Variants in NRXN1 observed in about 807,000 individuals in gnomAD.
The protein encoded by NRXN1 is neurexin-1.
In NRXN1, 39 loss-of-function variants were observed where a neutral mutation model predicts 150.9. The ratio of observed to expected loss-of-function variants is 0.26; its 90% CI spans 0.20 to 0.34. The LOEUF (loss-of-function observed/expected upper bound fraction) is 0.34, where lower values mean the gene tolerates loss of function less well. Ranked by LOEUF, NRXN1 falls within the 10% of genes least tolerant of loss-of-function variation. NRXN1 has a pLI of 1.00. For synonymous variants in NRXN1, 924 were observed against 757.0 expected (o/e 1.22, Z -3.62); for missense variants, 1,815 against 1,949.9 (o/e 0.93, Z 1.30).
At chr2:50,234,460 C>T (rs537117235) in intron 18 of NRXN1, among the ~76,000 whole-genome samples, 2 of 152,166 alleles carry the variant, frequency 1.3e-5, no homozygotes, top group South Asian at 4.1e-4. Context: ...CATCATTGCA[C>T]TCCAGCCTGG....
intron 13 of NRXN1, among the ~76,000 whole-genome samples, chr2:50,503,300 T>A: frequency 7.0e-6 from 1 of 143,434 alleles, no homozygotes; most frequent in Non-Finnish European, 1.5e-5. Flanking sequence ...AGAATGAGAC[T>A]CCATCTCAAA....
chr2:50,181,583 A>G (rs536168605), intron 18 of NRXN1, among the ~76,000 whole-genome samples: 2 of 152,212 alleles, frequency 1.3e-5, no homozygotes, highest in African/African-American at 2.4e-5. Flanking sequence ...CAATAGGGGA[A>G]AATTAGACTA....
intron 17 of NRXN1, among the ~76,000 whole-genome samples, chr2:50,435,985 G>A (rs1025645397): frequency 6.6e-6 from 1 of 152,060 alleles, no homozygotes; most frequent in African/African-American, 2.4e-5. Flanking sequence ...ATATCATGTA[G>A]TCAAACTCCT....
intron 8 of NRXN1, among the ~76,000 whole-genome samples, chr2:50,553,961 A>G (rs1211304374): frequency 6.6e-6 from 1 of 152,176 alleles, no homozygotes; most frequent in African/African-American, 2.4e-5. Flanking sequence ...AGAGAGAAGG[A>G]CACCTTTTCT....
At chr2:50,990,490 G>A (rs1698385258) in intron 2 of NRXN1, among the ~76,000 whole-genome samples, 1 of 151,836 alleles carries the variant, frequency 6.6e-6, no homozygotes, top group Non-Finnish European at 1.5e-5. Flanking sequence ...GAATTTCTTT[G>A]CCACATAGCT....
intron 21 of NRXN1, among the ~76,000 whole-genome samples, chr2:49,982,575 T>A (rs545354836): frequency 6.6e-6 from 1 of 152,214 alleles, no homozygotes; most frequent in East Asian, 1.9e-4. Flanking sequence ...TCATTTCTTA[T>A]TTGTATAGTT....
chr2:50,909,916 A>T (rs574819618), intron 5 of NRXN1, among the ~76,000 whole-genome samples: 3 of 152,150 alleles, frequency 2.0e-5, no homozygotes, highest in South Asian at 4.1e-4. Flanking sequence ...AAAGAAATTT[A>T]AAAATAAATT....
At chr2:50,258,755 A>G (rs546741054) in intron 17 of NRXN1, among the ~76,000 whole-genome samples, 10 of 152,164 alleles carry the variant, frequency 6.6e-5, no homozygotes, top group African/African-American at 2.2e-4. Flanking sequence ...TATTTCTTAA[A>G]TAAGGCTTGA....
At chr2:50,564,906 G>T (rs1320241614) in intron 8 of NRXN1, among the ~76,000 whole-genome samples, 1 of 152,108 alleles carries the variant, frequency 6.6e-6, no homozygotes, top group Non-Finnish European at 1.5e-5. Flanking sequence ...TTTAATGAAT[G>T]GGGTTTTATG....
intron 5 of NRXN1, among the ~76,000 whole-genome samples, chr2:50,740,255 C>G (rs976597651): frequency 6.6e-6 from 1 of 152,134 alleles, no homozygotes; most frequent in Non-Finnish European, 1.5e-5. Flanking sequence ...ATGCCTGTGA[C>G]TGGCTCAGAA....
chr2:50,591,377 A>G (rs1304444145), intron 8 of NRXN1, among the ~76,000 whole-genome samples: 1 of 139,902 alleles, frequency 7.1e-6, no homozygotes, highest in African/African-American at 2.7e-5. Flanking sequence ...CATACACTAT[A>G]TATCAGATAG....
intron 5 of NRXN1, among the ~76,000 whole-genome samples, chr2:50,893,848 C>T (rs533128011): frequency 8.2e-4 from 125 of 152,098 alleles, no homozygotes; most frequent in Non-Finnish European, 1.4e-3. Flanking sequence ...TGAGAATATG[C>T]GGTGTTTGGT....
At chr2:50,056,100 G>T (rs1693564368) in intron 19 of NRXN1, among the ~76,000 whole-genome samples, 1 of 152,078 alleles carries the variant, frequency 6.6e-6, no homozygotes. Flanking sequence ...AACTAACATG[G>T]AAATTTAAGC....
chr2:50,237,827 C>A (rs561284299), intron 17 of NRXN1, among the ~76,000 whole-genome samples: 1 of 152,028 alleles, frequency 6.6e-6, no homozygotes, highest in Admixed American at 6.6e-5. Flanking sequence ...AAATGGTAAA[C>A]CCCATAAACC....
intron 5 of NRXN1, 117 bp from the exon 6 acceptor site, chr2:50,623,732 T>C (rs889296767): frequency 5.7e-6 from 4 of 698,088 alleles, no homozygotes; most frequent in East Asian, 2.7e-5. Flanking sequence ...TTAGATTTCA[T>C]GACATGAACT....
intron 3 of NRXN1, chr2:50,923,253 A>G (rs1186652555): frequency 6.0e-6 from 1 of 165,508 alleles, no homozygotes; most frequent in African/African-American, 2.4e-5. Context: ...TCAAATACAA[A>G]ATGATCATTA....
At chr2:50,192,586 A>C in intron 18 of NRXN1, among the ~76,000 whole-genome samples, 1 of 151,212 alleles carries the variant, frequency 6.6e-6, no homozygotes, top group South Asian at 2.1e-4. Context: ...AGGCATACAA[A>C]TCGGAAGAAT....
At chr2:50,620,298 T>G (rs1679782112) in intron 7 of NRXN1, 115 bp from the exon 8 acceptor site, 1 of 1,162,214 alleles carries the variant, frequency 8.6e-7, no homozygotes, top group Admixed American at 2.8e-5. Context: ...TTGTTTTGCT[T>G]TTTTCTTTTT....
chr2:50,384,032 T>C (rs1204609475), intron 17 of NRXN1, among the ~76,000 whole-genome samples: 6 of 152,182 alleles, frequency 3.9e-5, no homozygotes, highest in Non-Finnish European at 7.4e-5. Context: ...GGAGAAACCT[T>C]CTCTCCATCC....
Sources: allele counts gnomAD v4.1 joint callset (sites outside exome capture counted in the v4.1 genomes callset), GRCh38; gene constraint gnomAD v4.1.1; transcripts MANE v1.5; gene names NCBI Gene and HGNC (gene_info 2026-07-23, HGNC 2026-07-21).